Variants in MYO1H observed in about 807,000 individuals in gnomAD.
MYO1H encodes unconventional myosin-Ih.
MYO1H carries 118 observed loss-of-function variants against 149.3 expected under a neutral mutation model. That is an observed-to-expected ratio of 0.79 (90% CI 0.68 to 0.92). MYO1H has a LOEUF of 0.92. Among genes scored for constraint, MYO1H ranks in the 40% least tolerant of loss-of-function variants. The probability of loss-of-function intolerance (pLI) is 0.00; values close to 1 mark genes in which losing one functional copy is unlikely to be tolerated. For synonymous variants in MYO1H, 447 were observed against 465.2 expected (o/e 0.96, Z 0.50); for missense variants, 1,212 against 1,280.7 (o/e 0.95, Z 0.82).
intron 3 of MYO1H, among the ~76,000 whole-genome samples, chr12:109,395,914 A>T (rs200470630): frequency 0.013 from 1,485 of 116,362 alleles, 23 homozygotes; most frequent in East Asian, 0.092. Flanking sequence ...GTTGTTGTTG[A>T]TGTTGTTGTT....
At chr12:109,404,115 C>G (rs1028654853) in intron 7 of MYO1H, 35 bp downstream of exon 7, 1 of 1,478,812 alleles carries the variant, frequency 6.8e-7, no homozygotes, top group African/African-American at 1.4e-5. Flanking sequence ...ATAGTTCCCC[C>G]TGGGACTGAG....
intron 3 of MYO1H, among the ~76,000 whole-genome samples, chr12:109,395,151 T>C (rs1007365733): frequency 4.6e-5 from 7 of 152,244 alleles, no homozygotes; most frequent in Admixed American, 1.3e-4. Context: ...CTTTGGTGTC[T>C]GATCTTGAAG....
intron 23 of MYO1H, 85 bp from the exon 24 acceptor site, chr12:109,439,546 G>A (rs927431318): frequency 3.1e-5 from 42 of 1,344,490 alleles, no homozygotes; most frequent in Middle Eastern, 2.0e-4. Context: ...CACTTTGGCC[G>A]CCTCTGAATC....
At chr12:109,347,783 A>G (rs1307073100), upstream of MYO1H, 1 of 392,508 alleles carries the variant, frequency 2.5e-6, no homozygotes, top group Non-Finnish European at 4.5e-6. Flanking sequence ...AGACGGCCAT[A>G]AGATGCAGTT....
At chr12:109,322,497 G>A in the MYO1H span, among the ~76,000 whole-genome samples, 1 of 152,056 alleles carries the variant, frequency 6.6e-6, no homozygotes, top group Non-Finnish European at 1.5e-5. Context: ...TTAGGATGTG[G>A]GACAAAGCCA....
At chr12:109,404,893 A>C (rs1388109990) in intron 7 of MYO1H, among the ~76,000 whole-genome samples, 2 of 150,542 alleles carry the variant, frequency 1.3e-5, no homozygotes, top group Non-Finnish European at 3.0e-5. Context: ...CAGTCTTTCA[A>C]GGGCCAGAAT....
intron 3 of MYO1H, among the ~76,000 whole-genome samples, chr12:109,394,739 G>A (rs1592790656): frequency 1.3e-5 from 2 of 151,926 alleles, no homozygotes; most frequent in Admixed American, 1.3e-4. Flanking sequence ...CACTTTCTAA[G>A]TCACTTATAA....
intron 1 of MYO1H, among the ~76,000 whole-genome samples, chr12:109,351,624 A>G (rs1005487053): frequency 1.3e-5 from 2 of 152,210 alleles, no homozygotes; most frequent in Non-Finnish European, 2.9e-5. Flanking sequence ...CACACAGTAG[A>G]TGCTCAGAAA....
chr12:109,317,671 CAG>C, the MYO1H span, among the ~76,000 whole-genome samples: 1 of 152,174 alleles, frequency 6.6e-6, no homozygotes, highest in African/African-American at 2.4e-5. Flanking sequence ...TGGCTGAAGA[CAG>C]AGCTTTGTTT....
chr12:109,358,197 T>C (rs1183595436), intron 1 of MYO1H, among the ~76,000 whole-genome samples: 1 of 151,942 alleles, frequency 6.6e-6, no homozygotes, highest in Non-Finnish European at 1.5e-5. Flanking sequence ...GCAAATGTAA[T>C]GTGCAAATAT....
chr12:109,441,837 A>G, intron 26 of MYO1H, 129 bp downstream of exon 26: 1 of 615,854 alleles, frequency 1.6e-6, no homozygotes, highest in Non-Finnish European at 2.9e-6. Context: ...GCCTGAGCTC[A>G]GGAGTTCGAG....
At chr12:109,411,068 G>A (rs1184286872) in intron 13 of MYO1H, among the ~76,000 whole-genome samples, 1 of 152,090 alleles carries the variant, frequency 6.6e-6, no homozygotes. Flanking sequence ...CTTGAACCCC[G>A]GAGGCAGAGG....
the MYO1H span, among the ~76,000 whole-genome samples, chr12:109,310,624 T>A: frequency 7.4e-4 from 113 of 152,020 alleles, 1 homozygote; most frequent in African/African-American, 2.3e-3. Context: ...TTTTTTTTTT[T>A]AAACCCAGTG....
At chr12:109,394,434 G>A (rs1232048543) in intron 3 of MYO1H, among the ~76,000 whole-genome samples, 1 of 152,172 alleles carries the variant, frequency 6.6e-6, no homozygotes, top group African/African-American at 2.4e-5. Flanking sequence ...TCACAAACTT[G>A]AGTACGTTTT....
chr12:109,391,433 A>G (rs775337237), intron 2 of MYO1H, among the ~76,000 whole-genome samples: 3 of 152,206 alleles, frequency 2.0e-5, no homozygotes, highest in Non-Finnish European at 4.4e-5. Context: ...ATGGCTACAT[A>G]GTATTCCATA....
the MYO1H span, among the ~76,000 whole-genome samples, chr12:109,330,418 A>G: frequency 2.0e-5 from 3 of 152,236 alleles, no homozygotes; most frequent in African/African-American, 7.2e-5. Context: ...AACGATGTAT[A>G]TCTGAATGTG....
intron 1 of MYO1H, among the ~76,000 whole-genome samples, chr12:109,368,218 A>G (rs889751982): frequency 1.3e-5 from 2 of 152,240 alleles, no homozygotes; most frequent in Non-Finnish European, 2.9e-5. Context: ...TCCGCTCCTC[A>G]AGGACAGGAA....
chr12:109,347,846 G>A (rs954421865), upstream of MYO1H: 47 of 398,232 alleles, frequency 1.2e-4, no homozygotes, highest in African/African-American at 8.6e-4. Flanking sequence ...AGCTAGAATC[G>A]CCTCATACCT....
chr12:109,364,113 G>A (rs1868813073), intron 1 of MYO1H, among the ~76,000 whole-genome samples: 1 of 146,010 alleles, frequency 6.8e-6, no homozygotes, highest in Admixed American at 7.0e-5. Context: ...AGAGGTTGCA[G>A]TGAGCCAAGA....
Sources: gnomAD v4.1 joint callset for allele counts (sites outside exome capture counted in the v4.1 genomes callset) on GRCh38, gnomAD v4.1.1 for gene constraint, MANE v1.5 for transcripts, NCBI Gene and HGNC (gene_info 2026-07-23, HGNC 2026-07-21) for gene names.